FEM1C: variants seen among roughly 807,000 people sequenced by gnomAD.
FEM1C encodes the protein protein fem-1 homolog C.
In FEM1C, 15 loss-of-function variants were observed where a neutral mutation model predicts 37.6. The ratio of observed to expected loss-of-function variants is 0.40; its 90% CI spans 0.27 to 0.61. FEM1C has a LOEUF of 0.61. Among genes scored for constraint, FEM1C ranks in the 20% least tolerant of loss-of-function variants. The pLI is 0.42. For missense variants in FEM1C, 532 were observed against 749.7 expected, an observed-to-expected ratio of 0.71 and a Z score of 3.39; for synonymous variants, 287 against 272.8, an observed-to-expected ratio of 1.05 and a Z score of -0.51.
intron 2 of FEM1C, among the ~76,000 whole-genome samples, chr5:115,527,076 A>G (rs1457941824): frequency 6.7e-6 from 1 of 150,286 alleles, no homozygotes; most frequent in Non-Finnish European, 1.5e-5. Context: ...AGAGGAACAA[A>G]GCATAAAAAC....
At chr5:115,529,307 G>A (rs1753969901) in intron 2 of FEM1C, among the ~76,000 whole-genome samples, 1 of 151,598 alleles carries the variant, frequency 6.6e-6, no homozygotes, top group African/African-American at 2.4e-5. Flanking sequence ...GAGAATGAAT[G>A]GAAGTTACCT....
chr5:115,525,227 A>T lies in FEM1C; in HGVS notation c.935T>A (p.Ile312Asn), dbSNP rs751555170. ...VNSAEELEGLIADPDEMRMQA... is the reference protein window; with the variant it reads ...VNSAEELEGLNADPDEMRMQA... ...CATTCTCATCTCATCAGGATCAGCAATAAGACCTTCTAGCTCTTCTGCACT... is the reference window on the plus strand; with the variant it reads ...CATTCTCATCTCATCAGGATCAGCATTAAGACCTTCTAGCTCTTCTGCACT... The change falls in exon 3 of 3, where the codon ATT (isoleucine) becomes AAT (asparagine). Residue 312 changes from isoleucine (I) to asparagine (N), a missense_variant. Ile to Asn is a moderately radical substitution (Grantham distance 149, BLOSUM62 -3). Transcript: ENST00000274457. The T allele has an allele frequency of 1.2e-6, 2 of 1,613,470 alleles. No homozygotes were observed. The highest frequency in any genetic ancestry group is 4.5e-5 in the East Asian group (2 of 44,884).
At chr5:115,542,723 A>G (rs542313858) in intron 2 of FEM1C, among the ~76,000 whole-genome samples, 1 of 152,362 alleles carries the variant, frequency 6.6e-6, no homozygotes, top group South Asian at 2.1e-4. Flanking sequence ...GTTACTCCAA[A>G]TAAGAGAGAA....
chr5:115,543,311 T>TAGGAGGAATTCCACCATGTCAA lies in FEM1C; in HGVS notation c.161_182dup (p.Glu62Ter). On this transcript the variant is annotated stop_gained and frameshift_variant, in exon 2 of 3. Coordinates refer to ENST00000274457, the MANE Select transcript of FEM1C (RefSeq NM_020177.3). LOFTEE classifies it high-confidence loss of function. ...CTTCTATGGAGGCACTGCATTGCTC[T>TAGGAGGAATTCCACCATGTCAA]AGGAGGAATTCCACCATGTCAAGGT... is the stretch of plus-strand genomic sequence containing the variant. 1 of 1,614,198 alleles carries TAGGAGGAATTCCACCATGTCAA rather than the reference T, an allele frequency of 6.2e-7. No homozygotes were observed. Among genetic ancestry groups the TAGGAGGAATTCCACCATGTCAA allele is most frequent in the Non-Finnish European group, 8.5e-7 (1 of 1,180,026 alleles).
chr5:115,526,306 A>C (rs896371031), intron 2 of FEM1C, among the ~76,000 whole-genome samples: 3 of 152,160 alleles, frequency 2.0e-5, no homozygotes, highest in African/African-American at 7.2e-5. Flanking sequence ...TTCCCCAAAA[A>C]GCTCTCGTAA....
At position 115,523,426 on chromosome 5, in the gene FEM1C, G is replaced by A. The variant is rs1275025306; in HGVS notation, c.*882C>T. The A allele has an allele frequency of 6.6e-6, 1 of 152,486 alleles. No individual in the cohort carries two copies. Among genetic ancestry groups the A allele is most frequent in the Non-Finnish European group, 1.5e-5 (1 of 67,968 alleles). 9.4% of individuals were successfully genotyped at this position (152,486 alleles called of 1,614,324 possible). ...GGACAATGCTGGAGCAGCATGAAAG[G>A]TGGGTCACTTTAAAAAGATTCTTCC... On this transcript the variant is annotated 3_prime_UTR_variant, in exon 3 of 3. Coordinates refer to ENST00000274457, the MANE Select transcript of FEM1C (RefSeq NM_020177.3).
rs1754304073 is a variant in FEM1C at position 115,544,130 on chromosome 5, G to A, written c.-191+393C>T. 4.1e-6 allele frequency: 4 copies of A among 985,426 alleles called. No individual in the cohort carries two copies. The South Asian group carries it at 1.9e-4, about 46-fold the overall frequency. 61.0% of individuals were successfully genotyped at this position (985,426 alleles called of 1,614,324 possible). A position where few individuals can be genotyped will look rare whatever the true frequency, so the allele number is the denominator to read the frequency against. On this transcript the variant is annotated intron_variant, in intron 1 of 2. Transcript: ENST00000274457. ...GTTTCGAGAAAGAACAAAAAGGTCG[G>A]ACACACCAAACCCCGGCTAAGGCCA... is the stretch of plus-strand genomic sequence containing the variant.
chr5:115,541,019 T>C (rs1754230423), intron 2 of FEM1C, among the ~76,000 whole-genome samples: 1 of 152,106 alleles, frequency 6.6e-6, no homozygotes. Context: ...CATGCTGTCA[T>C]TTGATCTACC....
chr5:115,536,489 T>C (rs1754131039), intron 2 of FEM1C, among the ~76,000 whole-genome samples: 1 of 151,806 alleles, frequency 6.6e-6, no homozygotes, highest in Non-Finnish European at 1.5e-5. Flanking sequence ...GTGGTTCAAT[T>C]GCACAATAAT....
chr5:115,528,498 T>A (rs1279569513), intron 2 of FEM1C, among the ~76,000 whole-genome samples: 4 of 152,170 alleles, frequency 2.6e-5, no homozygotes, highest in African/African-American at 9.7e-5. Flanking sequence ...CCTAGGGAGT[T>A]AAAGTTAACT....
At chr5:115,541,707 T>C (rs2127175698) in intron 2 of FEM1C, among the ~76,000 whole-genome samples, 1 of 152,236 alleles carries the variant, frequency 6.6e-6, no homozygotes, top group South Asian at 2.1e-4. Context: ...AATGAAATAC[T>C]GTATAGCCAC....
intron 2 of FEM1C, among the ~76,000 whole-genome samples, chr5:115,538,799 G>A (rs1282086025): frequency 2.6e-5 from 4 of 151,846 alleles, no homozygotes; most frequent in African/African-American, 9.7e-5. Context: ...TCTTCAAAGT[G>A]CCTTTCCTTA....
chr5:115,536,079 G>C (rs1048477269), intron 2 of FEM1C, among the ~76,000 whole-genome samples: 2 of 151,844 alleles, frequency 1.3e-5, no homozygotes, highest in African/African-American at 2.4e-5. Context: ...GAATGAGGAG[G>C]GATAGGAGGG....
chr5:115,525,030 T>A lies in FEM1C; in HGVS notation c.1132A>T (p.Met378Leu), dbSNP rs773660894. The A allele has an allele frequency of 1.2e-6, 2 of 1,613,680 alleles. No homozygotes were observed. The highest frequency in any genetic ancestry group is 1.7e-6 in the Non-Finnish European group (2 of 1,179,796). The stretch of plus-strand genomic sequence containing the variant: ...AAAGATAATAAGCTGCTGGCGGTCA[T>A]TGGGCTTAAAGGATCCAAATTGCTC... ...QQSNLDPLSP[M>L]TASSLLSFAE... The change falls in exon 3 of 3, where the codon ATG (methionine) becomes TTG (leucine). Residue 378 changes from methionine (M) to leucine (L), a missense_variant. Met to Leu is a conservative substitution (Grantham distance 15, BLOSUM62 2). This residue lies in a region of FEM1C where 221 missense variants were observed against 404.1 expected (regional missense o/e 0.55). Coordinates refer to ENST00000274457, the MANE Select transcript of FEM1C (RefSeq NM_020177.3).
At chr5:115,530,779 C>G (rs558197689) in intron 2 of FEM1C, among the ~76,000 whole-genome samples, 1 of 152,152 alleles carries the variant, frequency 6.6e-6, no homozygotes, top group South Asian at 2.1e-4. Context: ...GTCAAAGAAG[C>G]AAGCCCAATG....
Position 115,524,928 on chromosome 5 carries a change from T to A in FEM1C, c.1234A>T (p.Met412Leu). The A allele has an allele frequency of 6.2e-7, 1 of 1,613,788 alleles. No individual in the cohort carries two copies. The highest frequency in any genetic ancestry group is 8.5e-7 in the Non-Finnish European group (1 of 1,179,828). ...LGTTVTFDDL[M>L]GILCKSVLEI... is the part of the protein sequence containing the mutation. The stretch of plus-strand genomic sequence containing the variant: ...AGGACGCTTTTGCAAAGTATGCCCA[T>A]AAGATCATCAAATGTAACAGTAGTA... Residue 412 changes from methionine to leucine, a missense_variant, in exon 3 of 3, where the codon ATG (methionine) becomes TTG (leucine). Around this residue, in one of 3 missense-constraint regions of FEM1C, gnomAD observed 237 missense variants for 260.5 expected, o/e 0.91. Coordinates refer to ENST00000274457, the MANE Select transcript of FEM1C (RefSeq NM_020177.3).
In FEM1C at chr5:115,543,248, C is replaced by T; in HGVS notation, c.246G>A (p.Glu82=). 2 of 1,614,210 alleles carry T rather than the reference C, an allele frequency of 1.2e-6. No homozygotes were observed. The highest frequency in any genetic ancestry group is 1.7e-6 in the Non-Finnish European group (2 of 1,180,030). ...GSVNFDGETI[E]GAPPLWAASA... The stretch of plus-strand genomic sequence containing the variant: ...AAGCGGCCCATAAAGGGGGAGCCCC[C>T]TCAATGGTTTCGCCATCAAAATTGA... Residue 82 remains glutamate, a synonymous_variant, in exon 2 of 3, where the codon GAG becomes GAA. Transcript: ENST00000274457.
rs1753783737 is a variant in FEM1C at position 115,521,890 on chromosome 5, C to T, written c.*2418G>A. On this transcript the variant is annotated 3_prime_UTR_variant, in exon 3 of 3. Transcript: ENST00000274457. ...GGACAATTTTGAGCTATTAAATTAA[C>T]TGGTTTTTCAAAACCTCCCAATGGC... 6.6e-6 allele frequency: 1 copy of T among 151,818 alleles called. No homozygotes were observed. The highest frequency in any genetic ancestry group is 2.1e-4 in the South Asian group (1 of 4,828). The allele number at this position is 151,818 out of a possible 1,614,324, so 9.4% of individuals were successfully genotyped here.
intron 2 of FEM1C, among the ~76,000 whole-genome samples, chr5:115,535,910 C>G (rs1005590653): frequency 6.6e-6 from 1 of 151,988 alleles, no homozygotes; most frequent in Non-Finnish European, 1.5e-5. Flanking sequence ...CTCATACATG[C>G]TACAAAATGG....
Sources: allele counts gnomAD v4.1 joint callset (sites outside exome capture counted in the v4.1 genomes callset), GRCh38; gene constraint gnomAD v4.1.1; regional missense constraint gnomAD v4.1.1; transcripts MANE v1.5; gene names NCBI Gene and HGNC (gene_info 2026-07-23, HGNC 2026-07-21).